RPH3A: variants seen among roughly 807,000 people sequenced by gnomAD.
RPH3A encodes the protein rabphilin-3A.
RPH3A carries 48 observed loss-of-function variants against 102.2 expected under a neutral mutation model. The ratio of observed to expected loss-of-function variants is 0.47; its 90% CI spans 0.37 to 0.60. The LOEUF (loss-of-function observed/expected upper bound fraction) is 0.60. Among genes scored for constraint, RPH3A ranks in the 20% least tolerant of loss-of-function variants. The pLI is 0.00. For synonymous variants in RPH3A, 310 were observed against 324.3 expected (o/e 0.96, Z 0.47); for missense variants, 781 against 910.1 (o/e 0.86, Z 1.83).
In RPH3A at chr12:112,711,413, A is replaced by G. The variant is rs193077831; in HGVS notation, c.-139-80730A>G. On this transcript the variant is annotated intron_variant, in intron 1 of 21. Transcript: ENST00000543106. ...CTTGAGAAGAAAAAAAAAAGAGCAC[A>G]TCTCTTTGGGGACGACTTTCAGTTG... Among the ~76,000 whole-genome samples the G allele has an allele frequency of 2.9e-4, 44 of 152,276 alleles. 1 individual carries two copies. The highest frequency in any genetic ancestry group is 2.7e-3 in the Admixed American group (41 of 15,294).
At chr12:112,655,563 CTTTT>C (rs71086113) in intron 1 of RPH3A, among the ~76,000 whole-genome samples, 2 of 55,570 alleles carry the variant, frequency 3.6e-5, no homozygotes, top group African/African-American at 7.6e-5. Context: ...TTTTGTTGGT[CTTTT>C]TTTTTTTTTT....
At chr12:112,689,363 GAGAATCCAAA>G (rs2040290307) in intron 1 of RPH3A, among the ~76,000 whole-genome samples, 2 of 152,188 alleles carry the variant, frequency 1.3e-5, no homozygotes, top group South Asian at 4.1e-4. Context: ...AAGAGAAACT[GAGAATCCAAA>G]TTGTGGAGTA....
At position 112,898,412 on chromosome 12, in the gene RPH3A, C is replaced by T. The variant is rs1244756440; in HGVS notation, c.*1632C>T. On this transcript the variant is annotated 3_prime_UTR_variant, in exon 22 of 22. Coordinates refer to ENST00000389385, the MANE Select transcript of RPH3A (RefSeq NM_001143854.2). ...CAGAAGCATCAGACAGATACTCAAA[C>T]TCTCACTTTCCCCAAATCACATCTC... 1 of 152,192 alleles carries T rather than the reference C, an allele frequency of 6.6e-6. No homozygotes were observed. The highest frequency in any genetic ancestry group is 2.4e-5 in the African/African-American group (1 of 41,434). The allele number at this position is 152,192 out of a possible 1,614,324, so 9.4% of individuals were successfully genotyped here. A position where few individuals can be genotyped will look rare whatever the true frequency, so the allele number is the denominator to read the frequency against.
At chr12:112,749,046 C>T (rs1053515421) in intron 1 of RPH3A, among the ~76,000 whole-genome samples, 2 of 152,118 alleles carry the variant, frequency 1.3e-5, no homozygotes, top group Non-Finnish European at 2.9e-5. Context: ...ATCCCTTCAC[C>T]CATTTGTTGC....
chr12:112,863,084 CA>C (rs933715823), intron 5 of RPH3A, among the ~76,000 whole-genome samples: 3 of 150,670 alleles, frequency 2.0e-5, no homozygotes, highest in South Asian at 2.1e-4. Context: ...GTGACCCCCC[CA>C]AAAAAAAACC....
At chr12:112,851,357 T>C (rs943485701) in intron 5 of RPH3A, among the ~76,000 whole-genome samples, 1 of 152,188 alleles carries the variant, frequency 6.6e-6, no homozygotes, top group African/African-American at 2.4e-5. Flanking sequence ...TGTTGCAAAT[T>C]CCTAGGCTCT....
intron 1 of RPH3A, among the ~76,000 whole-genome samples, chr12:112,713,001 C>CG (rs2040482636): frequency 1.3e-5 from 1 of 74,716 alleles, no homozygotes; most frequent in Non-Finnish European, 2.6e-5. Context: ...TTGTCTTCCT[C>CG]TTCCTCTTCC....
At chr12:112,800,124 C>A (rs563228231) in intron 2 of RPH3A, among the ~76,000 whole-genome samples, 1 of 152,002 alleles carries the variant, frequency 6.6e-6, no homozygotes, top group East Asian at 1.9e-4. Flanking sequence ...AACTCCAGAC[C>A]GCGTGAAGTG....
chr12:112,862,091 A>G (rs2042527575), intron 5 of RPH3A, among the ~76,000 whole-genome samples: 1 of 152,002 alleles, frequency 6.6e-6, no homozygotes, highest in Non-Finnish European at 1.5e-5. Flanking sequence ...AAGCTAAGGC[A>G]AGAGGATCAT....
chr12:112,877,419 TACACACACACAC>T (rs3038114), intron 13 of RPH3A, among the ~76,000 whole-genome samples: 14 of 141,564 alleles, frequency 9.9e-5, no homozygotes, highest in South Asian at 2.3e-4. Flanking sequence ...CACACACGTA[TACACACACACAC>T]ACACACACAC....
At chr12:112,687,835 G>A (rs1222425378) in intron 1 of RPH3A, among the ~76,000 whole-genome samples, 1 of 152,130 alleles carries the variant, frequency 6.6e-6, no homozygotes, top group Non-Finnish European at 1.5e-5. Flanking sequence ...TTAGCAAGAA[G>A]TTCCTCCCTT....
chr12:112,741,551 G>A (rs1042723397), intron 1 of RPH3A, among the ~76,000 whole-genome samples: 15 of 152,066 alleles, frequency 9.9e-5, no homozygotes, highest in Non-Finnish European at 1.9e-4. Flanking sequence ...CCATGTCACC[G>A]GTCTCACTCC....
chr12:112,580,394 C>CTT (rs773931202), intron 1 of RPH3A, among the ~76,000 whole-genome samples: 1,413 of 76,936 alleles, frequency 0.018, 160 homozygotes, highest in African/African-American at 0.064. Context: ...TTTGTCTTGT[C>CTT]TTTTTTTTTT....
At chr12:112,654,746 G>T (rs1391897917) in intron 1 of RPH3A, among the ~76,000 whole-genome samples, 3 of 152,204 alleles carry the variant, frequency 2.0e-5, no homozygotes, top group Admixed American at 6.5e-5. Flanking sequence ...GCTGGGCAAA[G>T]GTTATCCTCA....
At chr12:112,580,217 A>G (rs1319057004) in intron 1 of RPH3A, among the ~76,000 whole-genome samples, 1 of 150,910 alleles carries the variant, frequency 6.6e-6, no homozygotes, top group African/African-American at 2.4e-5. Flanking sequence ...CTCTCTCTCC[A>G]CGTCTCTCTG....
chr12:112,640,573 A>AT (rs2039881877), intron 1 of RPH3A, among the ~76,000 whole-genome samples: 1 of 151,852 alleles, frequency 6.6e-6, no homozygotes, highest in Non-Finnish European at 1.5e-5. Flanking sequence ...TCCAGTAAAT[A>AT]TTTTTTGAAT....
intron 1 of RPH3A, among the ~76,000 whole-genome samples, chr12:112,622,782 GA>G (rs2039741177): frequency 7.1e-6 from 1 of 140,930 alleles, no homozygotes; most frequent in African/African-American, 2.6e-5. Context: ...TGAAATGAAG[GA>G]AAAAATGTTA....
intron 4 of RPH3A, among the ~76,000 whole-genome samples, chr12:112,840,281 T>C (rs2042120463): frequency 6.6e-6 from 1 of 152,206 alleles, no homozygotes; most frequent in African/African-American, 2.4e-5. Flanking sequence ...ATCAGGGTAA[T>C]AGAAATACGC....
At chr12:112,831,466 G>A (rs931820618) in intron 3 of RPH3A, among the ~76,000 whole-genome samples, 2 of 151,782 alleles carry the variant, frequency 1.3e-5, no homozygotes, top group East Asian at 3.9e-4. Flanking sequence ...TCTTAATTCC[G>A]ACCCTCCTTA....
Sources: allele counts gnomAD v4.1 joint callset (sites outside exome capture counted in the v4.1 genomes callset), GRCh38; gene constraint gnomAD v4.1.1; transcripts MANE v1.5; gene names NCBI Gene and HGNC (gene_info 2026-07-23, HGNC 2026-07-21).